POLE: variants seen among roughly 807,000 people sequenced by gnomAD.
The protein encoded by POLE is DNA polymerase epsilon catalytic subunit A.
POLE carries 188 observed loss-of-function variants against 279.2 expected under a neutral mutation model. The observed-to-expected ratio is 0.67, with a 90% CI of 0.60 to 0.76. The LOEUF (loss-of-function observed/expected upper bound fraction) is 0.76. POLE is among the 30% of genes least tolerant of loss of function. The pLI is 0.00. For synonymous variants in POLE, 1,214 were observed against 1,172.5 expected, an observed-to-expected ratio of 1.04 and a Z score of -0.72; for missense variants, 2,703 against 3,016.7, an observed-to-expected ratio of 0.90 and a Z score of 2.44.
intron 21 of POLE, 143 bp downstream of exon 21, chr12:132,665,159 C>T: frequency 1.1e-6 from 1 of 918,284 alleles, no homozygotes; most frequent in South Asian, 1.6e-5. Flanking sequence ...CCCAGCCCCA[C>T]CCCAGCCCAA....
At chr12:132,680,268 A>G (rs2043139669) in intron 3 of POLE, 46 bp from the exon 4 acceptor site, 2 of 1,569,968 alleles carry the variant, frequency 1.3e-6, no homozygotes, top group African/African-American at 2.7e-5. Flanking sequence ...GAAAGAAGAA[A>G]GCGAGAGAAA....
chr12:132,630,776 C>T (rs1437647875), intron 45 of POLE, among the ~76,000 whole-genome samples: 1 of 152,138 alleles, frequency 6.6e-6, no homozygotes, highest in East Asian at 1.9e-4. Context: ...AAACACAATG[C>T]GATACCACTA....
rs747456028 is a variant in POLE, at chr12:132,635,915, A to C, written c.5788T>G (p.Ser1930Ala). Reference sequence around the variant, plus strand: ...ACCAGTCCACAGTGAATACGAGATGAAACTTTTCCTTTGATTCCGCCATAG... The same window carrying C: ...ACCAGTCCACAGTGAATACGAGATGCAACTTTTCCTTTGATTCCGCCATAG... ...SNYGGIKGKV[S>A]SRIHCGLQDS... The change falls in exon 42 of 49, where the codon TCA becomes GCA. Residue 1930 changes from serine to alanine, a missense_variant. Coordinates refer to ENST00000320574, the MANE Select transcript of POLE (RefSeq NM_006231.4). 6.2e-7 allele frequency: 1 copy of C among 1,613,736 alleles called. No individual in the cohort carries two copies. The highest frequency in any genetic ancestry group is 8.5e-7 in the Non-Finnish European group (1 of 1,179,800).
At position 132,672,341 on chromosome 12, in the gene POLE, G is replaced by A. The variant is rs542388294; in HGVS notation, c.1687-19C>T. ...CAGGATTCTAGCACAACAGTGAGAC[G>A]ACGGGGTCAGAGGGGAAACACACCC... is the stretch of plus-strand genomic sequence containing the variant. On this transcript the variant is annotated intron_variant, in intron 15 of 48. Coordinates refer to ENST00000320574, the MANE Select transcript of POLE (RefSeq NM_006231.4). The A allele has an allele frequency of 6.9e-6, 11 of 1,593,192 alleles. No individual in the cohort carries two copies. The East Asian group carries it at 8.9e-5, about 13-fold the overall frequency.
At chr12:132,646,332 G>C (rs923523197) in intron 32 of POLE, among the ~76,000 whole-genome samples, 2 of 152,112 alleles carry the variant, frequency 1.3e-5, no homozygotes, top group African/African-American at 4.8e-5. Context: ...GTGGGGGTGT[G>C]GGTGACACAG....
At position 132,634,163 on chromosome 12, in the gene POLE, G is replaced by A. The variant is rs765015026; in HGVS notation, c.6004+23C>T. On this transcript the variant is annotated intron_variant, in intron 43 of 48. Transcript: ENST00000320574. The surrounding 1 kb of genome is among the most constrained non-coding windows in gnomAD (Gnocchi z 4.0). ...CATGAGTCCCTTCAGTGGGGGCTGCGCAGCCCTGGGCTCTGGGCTTACCTG... is the reference window on the plus strand; with the variant it reads ...CATGAGTCCCTTCAGTGGGGGCTGCACAGCCCTGGGCTCTGGGCTTACCTG... 1.8e-5 allele frequency: 29 copies of A among 1,586,472 alleles called. No individual in the cohort carries two copies. The East Asian group carries it at 4.7e-4, about 26-fold the overall frequency.
At chr12:132,667,775 G>T in intron 19 of POLE, 127 bp from the exon 20 acceptor site, 1 of 1,005,686 alleles carries the variant, frequency 9.9e-7, no homozygotes, top group Non-Finnish European at 1.5e-6. Flanking sequence ...CAGATACACT[G>T]CTAGTTTCTC....
chr12:132,676,854 G>A (rs575474602), intron 8 of POLE, among the ~76,000 whole-genome samples: 6 of 152,296 alleles, frequency 3.9e-5, no homozygotes, highest in Non-Finnish European at 7.3e-5. Flanking sequence ...ACATACCTAA[G>A]AGAGCAGCTG....
Position 132,639,319 on chromosome 12 carries a change from C to T in POLE, c.5379-21G>A, listed in dbSNP as rs1184275408. On this transcript the variant is annotated intron_variant, in intron 39 of 48. Coordinates refer to ENST00000320574, the MANE Select transcript of POLE (RefSeq NM_006231.4). This position sits in a 1 kb window ranked among gnomAD's most constrained non-coding sequence, Gnocchi z 4.7. ...GGATCCTGAAAGAGAAGGTGCACGA[C>T]ACCCTCGTACCCTCAGCCTCCCACG... 5.0e-6 allele frequency: 8 copies of T among 1,611,248 alleles called. No homozygotes were observed. Among genetic ancestry groups the T allele is most frequent in the Non-Finnish European group, 5.1e-6 (6 of 1,177,976 alleles).
chr12:132,650,474 G>T (rs1228049097), intron 29 of POLE: 4 of 154,474 alleles, frequency 2.6e-5, no homozygotes, highest in African/African-American at 9.7e-5. Flanking sequence ...AATTAGCTGG[G>T]TGTGGTTGTG....
At chr12:132,667,821 C>G (rs1286677094) in intron 19 of POLE, among the ~76,000 whole-genome samples, 173 bp from the exon 20 acceptor site, 1 of 152,174 alleles carries the variant, frequency 6.6e-6, no homozygotes, top group East Asian at 1.9e-4. Flanking sequence ...GTGGCTCACA[C>G]CTGTAATCCC....
rs1335517919 is a variant in POLE, at chr12:132,634,555, A to G, written c.5812-177T>C. Reference sequence around the variant, plus strand: ...TGAATCCCCCAGGGTGGCTCCCAGTACAAAGTGCTTTGTGGGAAGCGCCTG... The same window carrying G: ...TGAATCCCCCAGGGTGGCTCCCAGTGCAAAGTGCTTTGTGGGAAGCGCCTG... On this transcript the variant is annotated intron_variant, in intron 42 of 48. Transcript: ENST00000320574. The surrounding 1 kb of genome is among the most constrained non-coding windows in gnomAD (Gnocchi z 4.0). Among the ~76,000 whole-genome samples the G allele has an allele frequency of 6.6e-6, 1 of 152,174 alleles. No homozygotes were observed. Among genetic ancestry groups the G allele is most frequent in the African/African-American group, 2.4e-5 (1 of 41,434 alleles).
At position 132,643,855 on chromosome 12, in the gene POLE, C is replaced by G. The variant is rs763572490; in HGVS notation, c.4272G>C (p.Glu1424Asp). The G allele has an allele frequency of 6.2e-7, 1 of 1,614,144 alleles. No homozygotes were observed. Reference protein sequence around the residue: ...INAELSAPDIEGVYETQVPLL... With the variant: ...INAELSAPDIDGVYETQVPLL... ...GAGTCACCTGAGTCTCATATACGCC[C>G]TCGATGTCTGGCGCTGACAGCTCAG... is the stretch of plus-strand genomic sequence containing the variant. The change falls in exon 33 of 49, where the codon GAG becomes GAC. Residue 1424 changes from glutamate to aspartate, a missense_variant. Physicochemically the swap from Glu to Asp is conservative, Grantham distance 45 (BLOSUM62 2). Around this residue, in one of 5 missense-constraint regions of POLE, gnomAD observed 1,551 missense variants for 1,686.1 expected, o/e 0.92. Transcript: ENST00000320574.
chr12:132,637,401 G>A (rs559172823), intron 41 of POLE, among the ~76,000 whole-genome samples: 1 of 152,318 alleles, frequency 6.6e-6, no homozygotes, highest in Non-Finnish European at 1.5e-5. Context: ...CAGGGTGAGC[G>A]CACCTAGGAG....
At chr12:132,680,906 A>G (rs760334560) in intron 2 of POLE, 14 of 629,958 alleles carry the variant, frequency 2.2e-5, no homozygotes, top group Admixed American at 8.9e-5. Context: ...ATAATCCTTG[A>G]AAGCTTTATT....
chr12:132,673,010 T>C (rs1181830405), intron 14 of POLE, among the ~76,000 whole-genome samples, 154 bp downstream of exon 14: 1 of 152,070 alleles, frequency 6.6e-6, no homozygotes, highest in East Asian at 1.9e-4. Context: ...GCCAGAGAAT[T>C]CCCAAAGGAC....
chr12:132,627,144 G>A (rs5745056), intron 45 of POLE, among the ~76,000 whole-genome samples: 1,790 of 152,304 alleles, frequency 0.012, 28 homozygotes, highest in African/African-American at 0.041. Context: ...GGCTGGGCAT[G>A]GTGGCGGGTG....
In POLE at chr12:132,642,885, C is replaced by T. The variant is rs1060500799; in HGVS notation, c.4663G>A (p.Val1555Ile). The change falls in exon 36 of 49, where the codon GTT becomes ATT. Residue 1555 changes from valine to isoleucine, a missense_variant. Coordinates refer to ENST00000320574, the MANE Select transcript of POLE (RefSeq NM_006231.4). ...GTCTTCAGGTCAGTTTCTGCCCGAA[C>T]TTCGAAGGTGTGTTTGGGGGGTGGC... ...LLPPPKHTFE[V>I]RAETDLKTIC... 1.1e-5 allele frequency: 17 copies of T among 1,613,890 alleles called. No homozygotes were observed. Among genetic ancestry groups the T allele is most frequent in the Non-Finnish European group, 1.2e-5 (14 of 1,179,936 alleles).
rs762128600 is a variant in POLE at position 132,673,736 on chromosome 12, G to A, written c.1227-29C>T. The A allele has an allele frequency of 4.3e-6, 7 of 1,611,482 alleles. No homozygotes were observed. The South Asian group carries it at 7.7e-5, about 18-fold the overall frequency. ...GAAGGAGAATGAGAACAGAAGCCAG[G>A]ATGATTCTAACATGCAGCCCGGGAA... On this transcript the variant is annotated intron_variant, in intron 12 of 48. Coordinates refer to ENST00000320574, the MANE Select transcript of POLE (RefSeq NM_006231.4).
Sources: allele counts gnomAD v4.1 joint callset (sites outside exome capture counted in the v4.1 genomes callset), GRCh38; gene constraint gnomAD v4.1.1; regional missense constraint gnomAD v4.1.1; non-coding constraint Gnocchi (gnomAD v3.1); transcripts MANE v1.5; gene names NCBI Gene and HGNC (gene_info 2026-07-23, HGNC 2026-07-21).